PLEKHG3: variants seen among roughly 807,000 people sequenced by gnomAD.
PLEKHG3 encodes pleckstrin homology and RhoGEF domain containing G3, also known as pleckstrin homology domain-containing family G member 3.
In PLEKHG3, 62 loss-of-function variants were observed where a neutral mutation model predicts 94.9. The ratio of observed to expected loss-of-function variants is 0.65; its 90% CI spans 0.53 to 0.81. The LOEUF is 0.81. PLEKHG3 is among the 30% of genes least tolerant of loss of function. The pLI, the probability that PLEKHG3 is intolerant of heterozygous loss-of-function variation, is 0.00. For missense variants in PLEKHG3, 1,461 were observed against 1,619.3 expected (o/e 0.90, Z 1.68); for synonymous variants, 614 against 654.0 (o/e 0.94, Z 0.93).
In PLEKHG3 at chr14:64,719,990, C is replaced by T. The variant is rs139440941; in HGVS notation, c.-39-7603C>T. Among the ~76,000 whole-genome samples the T allele has an allele frequency of 1.3e-3, 205 of 152,256 alleles. 1 individual carries two copies. Among genetic ancestry groups the T allele is most frequent in the African/African-American group, 4.6e-3 (193 of 41,532 alleles). On this transcript the variant is annotated intron_variant, in intron 1 of 16. Transcript: ENST00000247226. ...CTTTTAGGGCTTTCTTTGGCTCTTC[C>T]GGTTTTGGGGCACATTGCATAGTGA...
In PLEKHG3 at chr14:64,727,230, C is replaced by G. The variant is rs1036616923; in HGVS notation, c.-39-363C>G. Reference sequence around the variant, plus strand: ...GGGCTGTGAATTCCTTAGAGGGTACCTGGACCACTGTGCTGGCAGGTGGAC... The same window carrying G: ...GGGCTGTGAATTCCTTAGAGGGTACGTGGACCACTGTGCTGGCAGGTGGAC... On this transcript the variant is annotated intron_variant, in intron 1 of 16. Coordinates refer to ENST00000247226, the MANE Select transcript of PLEKHG3 (RefSeq NM_001308147.2). This position sits in a 1 kb window ranked among gnomAD's most constrained non-coding sequence, Gnocchi z 6.0. Among the ~76,000 whole-genome samples, 5 of 152,116 alleles carry G rather than the reference C, an allele frequency of 3.3e-5. No homozygotes were observed. Among genetic ancestry groups the G allele is most frequent in the African/African-American group, 1.2e-4 (5 of 41,408 alleles).
rs1441741916 is a variant in PLEKHG3 at position 64,742,320 on chromosome 14, C to T, written c.2803C>T (p.Leu935Phe). ...CTACCAGCTGGCCCGCCAGTACAGC[C>T]TCCGGATCAAGAGCAACAAGCCAGT... ...KVYQLARQYS[L>F]RIKSNKPVMA... The change falls in exon 16 of 17, where the codon CTC becomes TTC. Residue 935 changes from leucine to phenylalanine, a missense_variant. Around this residue, in one of 3 missense-constraint regions of PLEKHG3, gnomAD observed 1,201 missense variants for 1,295.5 expected, o/e 0.93. Coordinates refer to ENST00000247226, the MANE Select transcript of PLEKHG3 (RefSeq NM_001308147.2). The T allele has an allele frequency of 6.2e-7, 1 of 1,613,082 alleles. No homozygotes were observed. Among genetic ancestry groups the T allele is most frequent in the South Asian group, 1.1e-5 (1 of 91,084 alleles).
At position 64,720,388 on chromosome 14, in the gene PLEKHG3, T is replaced by C. The variant is rs1313030093; in HGVS notation, c.-39-7205T>C. ...GGCAGTGACTAATGTGGAGACTCATTAGGCTAGGAGGAACTGGCTTTGGTC... is the reference window on the plus strand; with the variant it reads ...GGCAGTGACTAATGTGGAGACTCATCAGGCTAGGAGGAACTGGCTTTGGTC... On this transcript the variant is annotated intron_variant, in intron 1 of 16. Coordinates refer to ENST00000247226, the MANE Select transcript of PLEKHG3 (RefSeq NM_001308147.2). The surrounding 1 kb of genome is among the most constrained non-coding windows in gnomAD (Gnocchi z 4.1). 3.3e-5 allele frequency among the ~76,000 whole-genome samples: 5 copies of C among 152,342 alleles called. No individual in the cohort carries two copies. Among genetic ancestry groups the C allele is most frequent in the East Asian group, 3.9e-4 (2 of 5,184 alleles).
At position 64,749,177 on chromosome 14, in the gene PLEKHG3, G is replaced by T; in HGVS notation, c.*5474G>T. ...AGGCAGCTTTTGCAGTGCAGCGTGG[G>T]GCCCGGGGGCCCGGCCCGCGACTCG... is the stretch of plus-strand genomic sequence containing the variant. On this transcript the variant is annotated 3_prime_UTR_variant, in exon 17 of 17. Transcript: ENST00000247226. This position sits in a 1 kb window ranked among gnomAD's most constrained non-coding sequence, Gnocchi z 4.7. 8.6e-7 allele frequency: 1 copy of T among 1,163,546 alleles called. No individual in the cohort carries two copies. The highest frequency in any genetic ancestry group is 1.2e-6 in the Non-Finnish European group (1 of 832,614). 72.1% of individuals were successfully genotyped at this position (1,163,546 alleles called of 1,614,324 possible).
chr14:64,737,939 G>T, intron 14 of PLEKHG3: 1 of 1,230,358 alleles, frequency 8.1e-7, no homozygotes, highest in South Asian at 1.4e-5. Context: ...AGGCTGAAGG[G>T]GCTACCCAGG....
At position 64,730,791 on chromosome 14, in the gene PLEKHG3, A is replaced by C; in HGVS notation, c.567-8A>C. ...CCAGGTGGTGACTGGCCCTTCTCCC[A>C]CTCCCAGCTCCGTGGCCGCCCTGAC... On this transcript the variant is annotated splice_region_variant and splice_polypyrimidine_tract_variant and intron_variant, in intron 5 of 16. Transcript: ENST00000247226. This position sits in a 1 kb window ranked among gnomAD's most constrained non-coding sequence, Gnocchi z 5.4. 3 of 1,612,384 alleles carry C rather than the reference A, an allele frequency of 1.9e-6. No homozygotes were observed.
intron 14 of PLEKHG3, among the ~76,000 whole-genome samples, chr14:64,737,582 A>G (rs2081596198): frequency 6.6e-6 from 1 of 152,240 alleles, no homozygotes; most frequent in South Asian, 2.1e-4. Flanking sequence ...CCCTCTGCCT[A>G]GAACAGCACC....
chr14:64,738,078 C>T lies in PLEKHG3; in HGVS notation c.1405-664C>T, dbSNP rs2081610149. 3.1e-6 allele frequency: 4 copies of T among 1,300,066 alleles called. No individual in the cohort carries two copies. Among genetic ancestry groups the T allele is most frequent in the African/African-American group, 3.0e-5 (2 of 66,438 alleles). 80.5% of individuals were successfully genotyped at this position (1,300,066 alleles called of 1,614,324 possible). On this transcript the variant is annotated intron_variant, in intron 14 of 16. Transcript: ENST00000247226. This position sits in a 1 kb window ranked among gnomAD's most constrained non-coding sequence, Gnocchi z 4.8. ...CAACGAGAAGGGGGCTGGGCCGGAGCCCCCAGGCTCAGAGGAGGAGGAGGA... is the reference window on the plus strand; with the variant it reads ...CAACGAGAAGGGGGCTGGGCCGGAGTCCCCAGGCTCAGAGGAGGAGGAGGA...
chr14:64,719,181 A>T (rs2081220989), intron 1 of PLEKHG3, among the ~76,000 whole-genome samples: 1 of 152,186 alleles, frequency 6.6e-6, no homozygotes, highest in Admixed American at 6.5e-5. Context: ...GGATAAACAC[A>T]CGGGTGGTGG....
rs151185745 is a variant in PLEKHG3, at chr14:64,712,685, A to G, written c.-40+7981A>G. Among the ~76,000 whole-genome samples the G allele has an allele frequency of 7.3e-4, 111 of 152,316 alleles. No homozygotes were observed. The East Asian group carries it at 0.021, about 29-fold the overall frequency. On this transcript the variant is annotated intron_variant, in intron 1 of 16. Transcript: ENST00000247226. The stretch of plus-strand genomic sequence containing the variant: ...CTTGTATTCTGGTACATTGCTGAAC[A>G]CTTTTATTGGTTCTAATAGTTTTGT...
rs2081641739 is a variant in PLEKHG3 at position 64,739,490 on chromosome 14, G to A, written c.1518+635G>A. ...CCTTTACTTTCCCAAAGTTATAAGG[G>A]AAAGATCGTGAGCTACAGCCTGGAC... On this transcript the variant is annotated intron_variant, in intron 15 of 16. Coordinates refer to ENST00000247226, the MANE Select transcript of PLEKHG3 (RefSeq NM_001308147.2). This position sits in a 1 kb window ranked among gnomAD's most constrained non-coding sequence, Gnocchi z 4.1. 6.6e-6 allele frequency among the ~76,000 whole-genome samples: 1 copy of A among 152,184 alleles called. No individual in the cohort carries two copies. The highest frequency in any genetic ancestry group is 2.4e-5 in the African/African-American group (1 of 41,444).
intron 1 of PLEKHG3, among the ~76,000 whole-genome samples, chr14:64,706,716 C>T (rs1046849143): frequency 6.6e-6 from 1 of 152,260 alleles, no homozygotes; most frequent in Non-Finnish European, 1.5e-5. Context: ...TTACCAAATC[C>T]GCAGCTATCC....
rs146011706 is a variant in PLEKHG3, at chr14:64,720,351, C to T, written c.-39-7242C>T. Among the ~76,000 whole-genome samples the T allele has an allele frequency of 1.2e-3, 176 of 152,304 alleles. No individual in the cohort carries two copies. The highest frequency in any genetic ancestry group is 3.9e-3 in the African/African-American group (161 of 41,572). On this transcript the variant is annotated intron_variant, in intron 1 of 16. Coordinates refer to ENST00000247226, the MANE Select transcript of PLEKHG3 (RefSeq NM_001308147.2). This position sits in a 1 kb window ranked among gnomAD's most constrained non-coding sequence, Gnocchi z 4.1. ...TCAATCCTGGCGCTTCTTGGTTGATCGGAAACTTGCTGGCAGTGACTAATG... is the reference window on the plus strand; with the variant it reads ...TCAATCCTGGCGCTTCTTGGTTGATTGGAAACTTGCTGGCAGTGACTAATG...
In PLEKHG3 at chr14:64,726,189, C is replaced by T. The variant is rs929599613; in HGVS notation, c.-39-1404C>T. Among the ~76,000 whole-genome samples, 1 of 152,018 alleles carries T rather than the reference C, an allele frequency of 6.6e-6. No individual in the cohort carries two copies. Among genetic ancestry groups the T allele is most frequent in the African/African-American group, 2.4e-5 (1 of 41,366 alleles). ...AGGCAGAGAGAACATTTGCAAAAGC[C>T]GGAGACCCAGGGGTGTTGGTTTCCA... On this transcript the variant is annotated intron_variant, in intron 1 of 16. Transcript: ENST00000247226. This position sits in a 1 kb window ranked among gnomAD's most constrained non-coding sequence, Gnocchi z 5.1.
chr14:64,741,968 C>G lies in PLEKHG3; in HGVS notation c.2451C>G (p.Ile817Met). The change falls in exon 16 of 17, where the codon ATC becomes ATG. Residue 817 changes from isoleucine (I) to methionine (M), a missense_variant. By Grantham distance (10) the Ile-to-Met change is conservative. Coordinates refer to ENST00000247226, the MANE Select transcript of PLEKHG3 (RefSeq NM_001308147.2). ...EFRPSSEIVK[I>M]WEGMESSGGS... Reference sequence around the variant, plus strand: ...GCCCATCTTCAGAAATTGTGAAGATCTGGGAGGGAATGGAGTCTTCCGGAG... The same window carrying G: ...GCCCATCTTCAGAAATTGTGAAGATGTGGGAGGGAATGGAGTCTTCCGGAG... 1 of 1,577,238 alleles carries G rather than the reference C, an allele frequency of 6.3e-7. No homozygotes were observed. Among genetic ancestry groups the G allele is most frequent in the African/African-American group, 1.4e-5 (1 of 73,588 alleles).
At position 64,742,184 on chromosome 14, in the gene PLEKHG3, G is replaced by A. The variant is rs767739074; in HGVS notation, c.2667G>A (p.Lys889=). 4.3e-6 allele frequency: 7 copies of A among 1,612,896 alleles called. No individual in the cohort carries two copies. Among genetic ancestry groups the A allele is most frequent in the African/African-American group, 4.0e-5 (3 of 75,082 alleles). The part of the protein sequence containing the change: ...HLARELKELV[K]ELSSSTQGEL... ...CCCGGGAGCTGAAAGAGCTGGTGAAGGAGCTGAGCAGCAGTACCCAGGGGG... is the reference window on the plus strand; with the variant it reads ...CCCGGGAGCTGAAAGAGCTGGTGAAAGAGCTGAGCAGCAGTACCCAGGGGG... The change falls in exon 16 of 17, where the codon AAG becomes AAA. Residue 889 remains lysine, a synonymous_variant. Coordinates refer to ENST00000247226, the MANE Select transcript of PLEKHG3 (RefSeq NM_001308147.2).
intron 14 of PLEKHG3, chr14:64,737,931 G>T: frequency 8.2e-7 from 1 of 1,223,440 alleles, no homozygotes; most frequent in Non-Finnish European, 1.0e-6. Flanking sequence ...GCAGCCAGAG[G>T]CTGAAGGGGC....
chr14:64,722,048 T>C lies in PLEKHG3; in HGVS notation c.-39-5545T>C, dbSNP rs1236871785. Reference sequence around the variant, plus strand: ...CCTTCTGGCACCCTTTTTGAAGGGATTCCGAAAGTGCCGTCTTGGGGATTG... The same window carrying C: ...CCTTCTGGCACCCTTTTTGAAGGGACTCCGAAAGTGCCGTCTTGGGGATTG... On this transcript the variant is annotated intron_variant, in intron 1 of 16. Transcript: ENST00000247226. The surrounding 1 kb of genome is among the most constrained non-coding windows in gnomAD (Gnocchi z 4.3). 2.0e-5 allele frequency among the ~76,000 whole-genome samples: 3 copies of C among 152,200 alleles called. No homozygotes were observed. Among genetic ancestry groups the C allele is most frequent in the African/African-American group, 7.2e-5 (3 of 41,450 alleles).
Position 64,730,550 on chromosome 14 carries a change from G to A in PLEKHG3, c.520-92G>A. The A allele has an allele frequency of 9.7e-7, 1 of 1,031,884 alleles. No individual in the cohort carries two copies. 63.9% of individuals were successfully genotyped at this position (1,031,884 alleles called of 1,614,324 possible). ...AGGCATTTGGGAACAGGGGACAGAG[G>A]GTGCTCTGGGGGCCAGGGGCCTATC... On this transcript the variant is annotated intron_variant, in intron 4 of 16. Coordinates refer to ENST00000247226, the MANE Select transcript of PLEKHG3 (RefSeq NM_001308147.2). The surrounding 1 kb of genome is among the most constrained non-coding windows in gnomAD (Gnocchi z 5.4).
Sources: gnomAD v4.1 joint callset for allele counts (sites outside exome capture counted in the v4.1 genomes callset) on GRCh38, gnomAD v4.1.1 for gene constraint, gnomAD v4.1.1 regional missense constraint, Gnocchi (gnomAD v3.1) non-coding constraint, MANE v1.5 for transcripts, NCBI Gene and HGNC (gene_info 2026-07-23, HGNC 2026-07-21) for gene names.